Variants in ADAMTSL1 observed in about 807,000 individuals in gnomAD.
ADAMTSL1 encodes the protein ADAMTS like 1.
In ADAMTSL1, 126 loss-of-function variants were observed where a neutral mutation model predicts 201.8. The observed-to-expected ratio is 0.62, with a 90% CI of 0.54 to 0.72. ADAMTSL1 has a LOEUF of 0.72. ADAMTSL1 is among the 30% of genes least tolerant of loss of function. The pLI is 0.00. For synonymous variants in ADAMTSL1, 1,121 were observed against 903.4 expected, an observed-to-expected ratio of 1.24 and a Z score of -4.32; for missense variants, 2,679 against 2,277.8, an observed-to-expected ratio of 1.18 and a Z score of -3.59.
chr9:18,842,808 T>C (rs1012038594), intron 23 of ADAMTSL1, among the ~76,000 whole-genome samples: 3 of 152,184 alleles, frequency 2.0e-5, no homozygotes, highest in Non-Finnish European at 4.4e-5. Context: ...TTGGTCTCTT[T>C]TGATCTTTGT....
At chr9:18,681,555 C>T (rs1036989131) in intron 11 of ADAMTSL1, 1 of 241,202 alleles carries the variant, frequency 4.1e-6, no homozygotes, top group African/African-American at 2.2e-5. Context: ...ACAGTGGGTA[C>T]TTAAAGATTG....
intron 9 of ADAMTSL1, among the ~76,000 whole-genome samples, chr9:18,668,869 C>A (rs1829632547): frequency 6.6e-6 from 1 of 152,164 alleles, no homozygotes; most frequent in Non-Finnish European, 1.5e-5. Flanking sequence ...TGGGGGTTGT[C>A]ACCTTTATTT....
Position 18,101,306 on chromosome 9 carries a change from A to C in ADAMTSL1, c.88-62556A>C, listed in dbSNP as rs568819088. 2.6e-5 allele frequency among the ~76,000 whole-genome samples: 4 copies of C among 151,958 alleles called. No individual in the cohort carries two copies. In the South Asian group the frequency reaches 8.3e-4, roughly 32 times the overall value. On this transcript the variant is annotated intron_variant, in intron 1 of 29. Coordinates refer to the ADAMTSL1 transcript ENST00000680146. ...AGGTCAGGAGGTCGAGACCAGCCTG[A>C]CCAACAGGGTGAAACCCCGTATCTA...
At chr9:18,086,398 T>C (rs1193067851) in intron 1 of ADAMTSL1, among the ~76,000 whole-genome samples, 1 of 152,042 alleles carries the variant, frequency 6.6e-6, no homozygotes, top group Non-Finnish European at 1.5e-5. Context: ...ACAGATAATT[T>C]AGTGAATTAA....
chr9:18,810,158 C>G (rs1240309821), intron 20 of ADAMTSL1, among the ~76,000 whole-genome samples: 1 of 152,146 alleles, frequency 6.6e-6, no homozygotes, highest in Non-Finnish European at 1.5e-5. Context: ...ATTTACTATG[C>G]TCAACAATCA....
At chr9:18,771,850 GT>G (rs887977155) in intron 17 of ADAMTSL1, among the ~76,000 whole-genome samples, 2 of 151,110 alleles carry the variant, frequency 1.3e-5, no homozygotes, top group African/African-American at 2.4e-5. Flanking sequence ...CTCAACATAG[GT>G]TCTTAGAATT....
chr9:18,802,291 G>T lies in ADAMTSL1; in HGVS notation c.3805+6767G>T, dbSNP rs185593635. Reference sequence around the variant, plus strand: ...GTCTCCAAAAACAAAAAAAACAGGAGTTGTGCATCCATCACCACACTCAAT... The same window carrying T: ...GTCTCCAAAAACAAAAAAAACAGGATTTGTGCATCCATCACCACACTCAAT... On this transcript the variant is annotated intron_variant, in intron 20 of 28. Coordinates refer to ENST00000380548, the MANE Select transcript of ADAMTSL1 (RefSeq NM_001040272.6). Among the ~76,000 whole-genome samples, 771 of 152,044 alleles carry T rather than the reference G, an allele frequency of 5.1e-3. 7 individuals carry two copies. Among genetic ancestry groups the T allele is most frequent in the South Asian group, 0.042 (203 of 4,808 alleles).
intron 2 of ADAMTSL1, among the ~76,000 whole-genome samples, chr9:18,306,420 CCAATG>C (rs545451480): frequency 3.3e-5 from 5 of 152,166 alleles, no homozygotes; most frequent in Admixed American, 3.3e-4. Flanking sequence ...GTATTCTAAC[CCAATG>C]CAAGGAAGCT....
chr9:18,889,713 G>T lies in ADAMTSL1; in HGVS notation c.4608G>T (p.Gln1536His). The T allele has an allele frequency of 6.4e-7, 1 of 1,555,942 alleles. No individual in the cohort carries two copies. Residue 1536 changes from glutamine (Q) to histidine (H), a missense_variant, in exon 25 of 29, where the codon CAG becomes CAT. By Grantham distance (24) the Gln-to-His change is conservative. Coordinates refer to ENST00000380548, the MANE Select transcript of ADAMTSL1 (RefSeq NM_001040272.6). ...HCAGKVRPAV[Q>H]PIACNRRDCP... ...CAGGGAAGGTTCGCCCTGCGGTGCAGCCCATCGCGTGCAACCGGAGAGACT... is the reference window on the plus strand; with the variant it reads ...CAGGGAAGGTTCGCCCTGCGGTGCATCCCATCGCGTGCAACCGGAGAGACT...
rs1403009525 is a variant in ADAMTSL1 at position 18,027,022 on chromosome 9, A to T, written c.87+120100A>T. 2.7e-5 allele frequency among the ~76,000 whole-genome samples: 4 copies of T among 150,122 alleles called. No individual in the cohort carries two copies. In the East Asian group the frequency reaches 5.9e-4, roughly 22 times the overall value. Reference sequence around the variant, plus strand: ...GAGGTGTTCATAATAGTCTCTGAGGATCTATTATATTTCTGTGGAATTGGT... The same window carrying T: ...GAGGTGTTCATAATAGTCTCTGAGGTTCTATTATATTTCTGTGGAATTGGT... On this transcript the variant is annotated intron_variant, in intron 1 of 29. Coordinates refer to the ADAMTSL1 transcript ENST00000680146.
At chr9:18,596,448 C>G (rs2132510202) in intron 4 of ADAMTSL1, among the ~76,000 whole-genome samples, 1 of 152,228 alleles carries the variant, frequency 6.6e-6, no homozygotes, top group East Asian at 1.9e-4. Flanking sequence ...GTAACAATAT[C>G]TAATTTTAAT....
intron 2 of ADAMTSL1, among the ~76,000 whole-genome samples, chr9:18,516,312 A>G (rs1179644759): frequency 1.3e-5 from 2 of 152,210 alleles, no homozygotes; most frequent in Non-Finnish European, 2.9e-5. Context: ...TGTCCAAATC[A>G]TATACAATGG....
chr9:18,603,341 ATATGCTATGCTATGCTATGCTATGC>A (rs5896789), intron 4 of ADAMTSL1, among the ~76,000 whole-genome samples: 74 of 118,566 alleles, frequency 6.2e-4, no homozygotes, highest in African/African-American at 1.5e-3. Flanking sequence ...CTCCAAAGCT[ATATGCTATGCTATGCTATGCTATGC>A]TATGCTATGC....
chr9:18,277,737 T>A (rs1832640081), intron 2 of ADAMTSL1, among the ~76,000 whole-genome samples: 1 of 152,214 alleles, frequency 6.6e-6, no homozygotes, highest in South Asian at 2.1e-4. Flanking sequence ...TCATCCTATG[T>A]CTTTTCACTG....
intron 2 of ADAMTSL1, among the ~76,000 whole-genome samples, chr9:18,213,830 C>A (rs149661572): frequency 5.3e-5 from 8 of 152,172 alleles, no homozygotes; most frequent in African/African-American, 7.2e-5. Context: ...ACTTCCACTT[C>A]CCTGGTTCAA....
chr9:17,935,332 T>G (rs900913615), intron 1 of ADAMTSL1, among the ~76,000 whole-genome samples: 2 of 152,122 alleles, frequency 1.3e-5, no homozygotes, highest in African/African-American at 4.8e-5. Context: ...CACTTTCATT[T>G]TTTTCCACAC....
chr9:18,596,239 G>T (rs764659154), intron 4 of ADAMTSL1, among the ~76,000 whole-genome samples: 1 of 152,170 alleles, frequency 6.6e-6, no homozygotes. Flanking sequence ...ATACCATCAT[G>T]TCTTTAAGAA....
chr9:18,210,496 A>C (rs2132313048), intron 2 of ADAMTSL1, among the ~76,000 whole-genome samples: 1 of 147,396 alleles, frequency 6.8e-6, no homozygotes. Context: ...AATATATATT[A>C]ATTATATATG....
chr9:17,970,263 T>A (rs1234215684), intron 1 of ADAMTSL1, among the ~76,000 whole-genome samples: 4 of 152,018 alleles, frequency 2.6e-5, no homozygotes, highest in African/African-American at 9.7e-5. Flanking sequence ...ACCCATTGTA[T>A]CTTTTATCAA....
Sources: allele counts gnomAD v4.1 joint callset (sites outside exome capture counted in the v4.1 genomes callset), GRCh38; gene constraint gnomAD v4.1.1; transcripts MANE v1.5; gene names NCBI Gene and HGNC (gene_info 2026-07-23, HGNC 2026-07-21).